STK38: variants seen among roughly 807,000 people sequenced by gnomAD.
STK38 encodes the protein serine/threonine-protein kinase 38.
In STK38, 26 loss-of-function variants were observed where a neutral mutation model predicts 59.0. That is an observed-to-expected ratio of 0.44 (90% CI 0.32 to 0.61). The LOEUF (loss-of-function observed/expected upper bound fraction) is 0.61. Among genes scored for constraint, STK38 ranks in the 20% least tolerant of loss-of-function variants. The pLI, the probability that STK38 is intolerant of heterozygous loss-of-function variation, is 0.04. For missense variants in STK38, 433 were observed against 566.0 expected (o/e 0.76, Z 2.38); for synonymous variants, 175 against 176.6 (o/e 0.99, Z 0.07).
Position 36,495,642 on chromosome 6 carries a change from C to A in STK38, c.*142G>T. On this transcript the variant is annotated 3_prime_UTR_variant, in exon 14 of 14. Transcript: ENST00000229812. The stretch of plus-strand genomic sequence containing the variant: ...CAGATGCATTATGGAAGAAAATCCT[C>A]TTACTACCACATTTCAGGAGACTTT... The A allele has an allele frequency of 9.1e-7, 1 of 1,098,218 alleles. No homozygotes were observed. The highest frequency in any genetic ancestry group is 1.8e-5 in the South Asian group (1 of 55,352). 68.0% of individuals were successfully genotyped at this position (1,098,218 alleles called of 1,614,324 possible).
chr6:36,538,188 C>A (rs953384915), intron 2 of STK38, among the ~76,000 whole-genome samples: 1 of 151,810 alleles, frequency 6.6e-6, no homozygotes, highest in Non-Finnish European at 1.5e-5. Flanking sequence ...CCTGTAGTCC[C>A]AGCTACTCGG....
intron 2 of STK38, among the ~76,000 whole-genome samples, chr6:36,529,254 G>A (rs764998840): frequency 6.6e-6 from 1 of 152,074 alleles, no homozygotes; most frequent in Non-Finnish European, 1.5e-5. Flanking sequence ...CAGATGTTTG[G>A]AATTTACCTT....
chr6:36,515,557 A>ACAC (rs1777230840), intron 6 of STK38, 65 bp from the exon 7 acceptor site: 1 of 1,433,088 alleles, frequency 7.0e-7, no homozygotes, highest in South Asian at 1.4e-5. Context: ...CACACACACA[A>ACAC]CATACGAGTG....
intron 7 of STK38, among the ~76,000 whole-genome samples, chr6:36,511,280 T>G (rs184273617): frequency 6.6e-6 from 1 of 152,312 alleles, no homozygotes; most frequent in Admixed American, 6.5e-5. Context: ...GATGTGTGTA[T>G]GTACATATGT....
intron 1 of STK38, among the ~76,000 whole-genome samples, chr6:36,543,587 C>T (rs1384080741): frequency 6.6e-6 from 1 of 152,034 alleles, no homozygotes. Flanking sequence ...ATAGCAAGAC[C>T]CTGTCTCTAC....
chr6:36,537,685 C>G (rs1392643950), intron 2 of STK38, among the ~76,000 whole-genome samples: 1 of 152,030 alleles, frequency 6.6e-6, no homozygotes, highest in African/African-American at 2.4e-5. Flanking sequence ...ATCACTTGAA[C>G]CCCGGAGTTC....
chr6:36,512,210 G>A (rs1246654043), intron 7 of STK38, among the ~76,000 whole-genome samples: 1 of 152,162 alleles, frequency 6.6e-6, no homozygotes, highest in Non-Finnish European at 1.5e-5. Flanking sequence ...ACATTTTTAG[G>A]ACTATAATCT....
At chr6:36,502,727 C>T (rs1449209585) in intron 9 of STK38, among the ~76,000 whole-genome samples, 7 of 152,182 alleles carry the variant, frequency 4.6e-5, no homozygotes, top group Non-Finnish European at 1.0e-4. Flanking sequence ...ATGTACTCCT[C>T]CTCGTCTCTC....
At chr6:36,539,006 A>G (rs1043491055) in intron 2 of STK38, among the ~76,000 whole-genome samples, 1 of 151,984 alleles carries the variant, frequency 6.6e-6, no homozygotes. Flanking sequence ...ACTCTAGATG[A>G]TATATATGTA....
chr6:36,532,847 C>T (rs970420032), intron 2 of STK38, among the ~76,000 whole-genome samples: 2 of 151,722 alleles, frequency 1.3e-5, no homozygotes, highest in African/African-American at 4.8e-5. Flanking sequence ...TGCAGTGAGC[C>T]GAGATTATGC....
chr6:36,508,848 T>C (rs618656), intron 7 of STK38, among the ~76,000 whole-genome samples: 1,560 of 152,332 alleles, frequency 0.01, 33 homozygotes, highest in African/African-American at 0.036. Flanking sequence ...GCCAGCATAG[T>C]TGCTGGCTCC....
chr6:36,532,949 G>A (rs1236634908), intron 2 of STK38, among the ~76,000 whole-genome samples: 6 of 151,466 alleles, frequency 4.0e-5, no homozygotes. Context: ...GCGTGCTCCT[G>A]TAATCCCAGC....
chr6:36,544,413 C>A (rs143165590), intron 1 of STK38, among the ~76,000 whole-genome samples: 17 of 151,996 alleles, frequency 1.1e-4, no homozygotes, highest in African/African-American at 3.4e-4. Context: ...TGTACCCCCC[C>A]CTCCACCCAC....
chr6:36,514,491 G>A (rs1484602064), intron 7 of STK38, among the ~76,000 whole-genome samples: 2 of 152,056 alleles, frequency 1.3e-5, no homozygotes, highest in Admixed American at 1.3e-4. Context: ...AGAGGTGAAC[G>A]GGATTTTAGG....
At chr6:36,508,665 G>A (rs541318642) in intron 7 of STK38, among the ~76,000 whole-genome samples, 2 of 152,236 alleles carry the variant, frequency 1.3e-5, no homozygotes, top group South Asian at 2.1e-4. Flanking sequence ...GGCTCATTCC[G>A]CCCACTCAGC....
intron 2 of STK38, among the ~76,000 whole-genome samples, chr6:36,529,707 T>G (rs1777620293): frequency 6.6e-6 from 1 of 152,238 alleles, no homozygotes; most frequent in Non-Finnish European, 1.5e-5. Flanking sequence ...TAGTGCTTTG[T>G]ACACAGCTAC....
Position 36,519,617 on chromosome 6 carries a change from T to C in STK38, c.391-1777A>G, listed in dbSNP as rs576217186. On this transcript the variant is annotated intron_variant, in intron 5 of 13. Transcript: ENST00000229812. ...AAACAGTAGCAAGAAACCTCATGGT[T>C]TGAAAGTGGAGTTGGCTGAATATAG... is the stretch of plus-strand genomic sequence containing the variant. 2.6e-5 allele frequency among the ~76,000 whole-genome samples: 4 copies of C among 152,230 alleles called. No individual in the cohort carries two copies. In the East Asian group the frequency reaches 7.7e-4, roughly 29 times the overall value.
In STK38 at chr6:36,535,873, TC is replaced by T. The variant is rs1382470491; in HGVS notation, c.131+4198del. Among the ~76,000 whole-genome samples, 397 of 102,994 alleles carry T rather than the reference TC, an allele frequency of 3.9e-3. 3 individuals carry two copies. The highest frequency in any genetic ancestry group is 0.016 in the African/African-American group (365 of 22,950). The allele number at this position is 102,994 out of a possible 152,430, so 67.6% of individuals were successfully genotyped here. ...CCTGGCAGCAGAGCAAGACTCCGTC[TC>T]AAAAAAAAAAAAAAAAAAGCAACAT... On this transcript the variant is annotated intron_variant, in intron 2 of 13. Coordinates refer to ENST00000229812, the MANE Select transcript of STK38 (RefSeq NM_007271.4).
chr6:36,500,391 T>C (rs1305213772), intron 9 of STK38, among the ~76,000 whole-genome samples: 2 of 151,822 alleles, frequency 1.3e-5, no homozygotes, highest in Non-Finnish European at 2.9e-5. Flanking sequence ...TAGCTTAACT[T>C]TGCAGATACA....
Sources: gnomAD v4.1 joint callset for allele counts (sites outside exome capture counted in the v4.1 genomes callset) on GRCh38, gnomAD v4.1.1 for gene constraint, MANE v1.5 for transcripts, NCBI Gene and HGNC (gene_info 2026-07-23, HGNC 2026-07-21) for gene names.